Variants in C9orf153 observed in about 807,000 individuals in gnomAD.
C9orf153 encodes uncharacterized protein C9orf153.
Under a neutral mutation model 9.0 loss-of-function variants are expected in C9orf153, and 10 were observed. The ratio of observed to expected loss-of-function variants is 1.11; its 90% CI spans 0.69 to 1.89. The LOEUF (loss-of-function observed/expected upper bound fraction) is 1.89. Among genes scored for constraint, C9orf153 ranks in the 40% most tolerant of loss-of-function variants. C9orf153 has a pLI of 0.00. For synonymous variants in C9orf153, 35 were observed against 37.3 expected (o/e 0.94, Z 0.23); for missense variants, 108 against 111.0 (o/e 0.97, Z 0.12).
chr9:86,238,153 CAAG>C (rs1159779706), intron 1 of C9orf153, among the ~76,000 whole-genome samples: 1 of 151,932 alleles, frequency 6.6e-6, no homozygotes, highest in Non-Finnish European at 1.5e-5. Context: ...GATAGAAGTA[CAAG>C]AAGAAAATAG....
intron 1 of C9orf153, among the ~76,000 whole-genome samples, chr9:86,254,090 C>CAA (rs35119532): frequency 1.8e-5 from 2 of 108,206 alleles, no homozygotes; most frequent in African/African-American, 7.0e-5. Flanking sequence ...GACTCCATTT[C>CAA]AAAAAAAAAA....
At chr9:86,234,707 T>C (rs979471520) in intron 1 of C9orf153, among the ~76,000 whole-genome samples, 1 of 152,154 alleles carries the variant, frequency 6.6e-6, no homozygotes, top group Non-Finnish European at 1.5e-5. Context: ...AGAGAATAAA[T>C]AAGTTGGACT....
chr9:86,227,802 G>A lies in C9orf153; in HGVS notation c.242+53C>T, dbSNP rs144668706. The stretch of plus-strand genomic sequence containing the variant: ...GAGAGTGAGCTTGCCAGTAAGCTGC[G>A]GTAGAGGAGCTCAATCATGGATGCT... On this transcript the variant is annotated intron_variant, in intron 3 of 3. Coordinates refer to ENST00000339137, the MANE Select transcript of C9orf153 (RefSeq NM_001276366.4). 1.7e-5 allele frequency: 27 copies of A among 1,561,064 alleles called. No homozygotes were observed. The South Asian group carries it at 2.4e-4, about 14-fold the overall frequency.
chr9:86,227,396 A>C (rs1824361160), intron 3 of C9orf153: 1 of 1,525,348 alleles, frequency 6.6e-7, no homozygotes, highest in African/African-American at 1.4e-5. Context: ...TTTTATTGAC[A>C]CTGTATAAAG....
intron 1 of C9orf153, among the ~76,000 whole-genome samples, chr9:86,236,364 C>A (rs1337274934): frequency 6.6e-6 from 1 of 151,818 alleles, no homozygotes; most frequent in African/African-American, 2.4e-5. Flanking sequence ...GCCTGGTCAA[C>A]ATGGTGAAAC....
Position 86,245,080 on chromosome 9 carries a change from C to T in C9orf153, c.-27+14470G>A, listed in dbSNP as rs191061560. On this transcript the variant is annotated intron_variant, in intron 1 of 3. Coordinates refer to ENST00000339137, the MANE Select transcript of C9orf153 (RefSeq NM_001276366.4). ...TAGCTAGGATTACAGGCACCTGCCA[C>T]CACAACCAACTAATTTTTGTGTTTT... Among the ~76,000 whole-genome samples the T allele has an allele frequency of 8.7e-4, 132 of 152,250 alleles. 1 individual carries two copies. The highest frequency in any genetic ancestry group is 3.1e-3 in the African/African-American group (130 of 41,536).
rs577136177 is a variant in C9orf153, at chr9:86,228,123, T to C, written c.67-93A>G. On this transcript the variant is annotated intron_variant, in intron 2 of 3. Coordinates refer to ENST00000339137, the MANE Select transcript of C9orf153 (RefSeq NM_001276366.4). ...AACCCTAGAAAAAACCATAGGACAA[T>C]AAATAACCATAAAGACAAAAGCATT... The C allele has an allele frequency of 2.8e-4, 246 of 877,420 alleles. 1 individual carries two copies. The African/African-American group carries it at 4.0e-3, about 14-fold the overall frequency. The allele number at this position is 877,420 out of a possible 1,614,324, so 54.4% of individuals were successfully genotyped here.
At chr9:86,242,990 T>A (rs1272155840) in intron 1 of C9orf153, among the ~76,000 whole-genome samples, 1 of 152,214 alleles carries the variant, frequency 6.6e-6, no homozygotes, top group Non-Finnish European at 1.5e-5. Context: ...CGCAGGCCAC[T>A]TCTTAATAGA....
At chr9:86,225,997 T>C (rs1012395798) in intron 3 of C9orf153, among the ~76,000 whole-genome samples, 2 of 152,198 alleles carry the variant, frequency 1.3e-5, no homozygotes, top group Non-Finnish European at 2.9e-5. Context: ...GTTCAAGACC[T>C]TATCAAACAT....
intron 3 of C9orf153, among the ~76,000 whole-genome samples, chr9:86,224,478 G>A (rs190573243): frequency 7.0e-4 from 107 of 152,240 alleles, no homozygotes; most frequent in African/African-American, 2.5e-3. Flanking sequence ...GTAAGGTGAG[G>A]ATAGTTAACA....
chr9:86,253,844 C>G (rs992549206), intron 1 of C9orf153, among the ~76,000 whole-genome samples: 2 of 152,160 alleles, frequency 1.3e-5, no homozygotes, highest in African/African-American at 4.8e-5. Flanking sequence ...GTAATCCCAG[C>G]CCTTTGGGAG....
At chr9:86,241,178 C>T (rs1233884487) in intron 1 of C9orf153, among the ~76,000 whole-genome samples, 1 of 152,096 alleles carries the variant, frequency 6.6e-6, no homozygotes, top group African/African-American at 2.4e-5. Flanking sequence ...GTATATATAC[C>T]TCTGTTCATC....
chr9:86,233,608 G>A (rs944012971), intron 1 of C9orf153, among the ~76,000 whole-genome samples: 3 of 151,962 alleles, frequency 2.0e-5, no homozygotes, highest in African/African-American at 7.3e-5. Context: ...GTAGAGTCGG[G>A]ATTCTGCCAT....
intron 3 of C9orf153, among the ~76,000 whole-genome samples, chr9:86,224,287 T>C (rs1824269179): frequency 6.6e-6 from 1 of 151,800 alleles, no homozygotes; most frequent in South Asian, 2.1e-4. Flanking sequence ...CTTGAGAGGC[T>C]GAGATAGGAG....
intron 3 of C9orf153, among the ~76,000 whole-genome samples, chr9:86,223,633 A>C (rs73650937): frequency 0.036 from 5,451 of 152,198 alleles, 347 homozygotes; most frequent in African/African-American, 0.12. Context: ...TGATGATTGG[A>C]CACAATTCTG....
chr9:86,236,950 A>C (rs571189050), intron 1 of C9orf153, among the ~76,000 whole-genome samples: 194 of 151,748 alleles, frequency 1.3e-3, no homozygotes, highest in Non-Finnish European at 2.0e-3. Flanking sequence ...AAAAAAAAAA[A>C]AAAAAACAAA....
intron 1 of C9orf153, among the ~76,000 whole-genome samples, chr9:86,256,976 C>A (rs1186626415): frequency 6.6e-6 from 1 of 152,036 alleles, no homozygotes; most frequent in Non-Finnish European, 1.5e-5. Flanking sequence ...CTGGGCAACA[C>A]AGGGGGAAAC....
chr9:86,248,237 G>A (rs558213468), intron 1 of C9orf153, among the ~76,000 whole-genome samples: 3 of 152,096 alleles, frequency 2.0e-5, no homozygotes, highest in African/African-American at 7.2e-5. Flanking sequence ...GGGTTCAAGC[G>A]ATTCTCCTGC....
At chr9:86,229,083 G>C (rs937903484) in intron 2 of C9orf153, 1 of 161,342 alleles carries the variant, frequency 6.2e-6, no homozygotes, top group African/African-American at 2.4e-5. Context: ...TCTTGTAACT[G>C]TTTTAGAAAT....
Sources: gnomAD v4.1 joint callset for allele counts (sites outside exome capture counted in the v4.1 genomes callset) on GRCh38, gnomAD v4.1.1 for gene constraint, MANE v1.5 for transcripts, NCBI Gene and HGNC (gene_info 2026-07-23, HGNC 2026-07-21) for gene names.